The following DENND4B variants were observed in gnomAD, a reference collection of about 807,000 sequenced individuals.
DENND4B encodes the protein DENN domain containing 4B.
A neutral mutation model predicts 161.0 loss-of-function variants in DENND4B; 67 were observed. The observed-to-expected ratio is 0.42, with a 90% CI of 0.34 to 0.51. The LOEUF (loss-of-function observed/expected upper bound fraction) is 0.51, where lower values mean the gene tolerates loss of function less well. Ranked by LOEUF, DENND4B falls within the 20% of genes least tolerant of loss-of-function variation. The pLI, the probability that DENND4B is intolerant of heterozygous loss-of-function variation, is 0.08. For synonymous variants in DENND4B, 753 were observed against 813.8 expected (o/e 0.93, Z 1.27); for missense variants, 1,481 against 1,968.0 (o/e 0.75, Z 4.68).
chr1:153,944,287 A>C lies in DENND4B; in HGVS notation c.88T>G (p.Trp30Gly). The change falls in exon 2 of 28, where the codon TGG becomes GGG. Residue 30 changes from tryptophan (W) to glycine (G), a missense_variant. This residue lies in a region of DENND4B where 806 missense variants were observed against 1,134.4 expected (regional missense o/e 0.71). Coordinates refer to ENST00000361217, the MANE Select transcript of DENND4B (RefSeq NM_014856.3). This position sits in a 1 kb window ranked among gnomAD's most constrained non-coding sequence, Gnocchi z 4.8. ...AGGGGCCCACTGGGTTCAGGAACCC[A>C]CGTTTCCTCAGGGATGGGTGCTCCG... ...GNGAPIPEET[W>G]VPEPSGPLRP... 1.9e-6 allele frequency: 3 copies of C among 1,604,076 alleles called. No individual in the cohort carries two copies. Among genetic ancestry groups the C allele is most frequent in the Non-Finnish European group, 2.6e-6 (3 of 1,174,360 alleles).
Position 153,942,217 on chromosome 1 carries a change from G to C in DENND4B, c.780C>G (p.Thr260=), listed in dbSNP as rs538600672. The C allele has an allele frequency of 1.2e-6, 2 of 1,613,980 alleles. No homozygotes were observed. Among genetic ancestry groups the C allele is most frequent in the East Asian group, 4.5e-5 (2 of 44,874 alleles). ...QTKYPVPVFS[T]FVLTGAAGDK... is the part of the protein sequence containing the mutation. ...CACCAGCTGCACCCGTGAGCACAAA[G>C]GTGGAGAAGACGGGCACGGGGTACT... The change falls in exon 5 of 28, where the codon ACC becomes ACG. Residue 260 remains threonine (T), a synonymous_variant. Transcript: ENST00000361217. The surrounding 1 kb of genome is among the most constrained non-coding windows in gnomAD (Gnocchi z 6.9).
Position 153,944,351 on chromosome 1 carries a change from C to A in DENND4B, c.24G>T (p.Arg8=), listed in dbSNP as rs748727321. The A allele has an allele frequency of 2.1e-5, 34 of 1,607,514 alleles. No homozygotes were observed. The African/African-American group carries it at 2.9e-4, about 14-fold the overall frequency. ...CAGCTACCACGAAGTAATCCACCAGCCGGGGGGGCCGCTCCTCCGCCATGG... is the reference window on the plus strand; with the variant it reads ...CAGCTACCACGAAGTAATCCACCAGACGGGGGGGCCGCTCCTCCGCCATGG... MAEERPP[R]LVDYFVVAGL... The change falls in exon 2 of 28, where the codon CGG becomes CGT. Residue 8 remains arginine, a synonymous_variant. Transcript: ENST00000361217. This position sits in a 1 kb window ranked among gnomAD's most constrained non-coding sequence, Gnocchi z 4.8.
At position 153,946,535 on chromosome 1, in the gene DENND4B, G is replaced by C; in HGVS notation, c.-258C>G. ...TCCCCGCCGCGCTGCGCCACGCGGG[G>C]ACTGTGCTGCCGCGCTGCTCGCTCG... On this transcript the variant is annotated 5_prime_UTR_variant, in exon 1 of 28. Coordinates refer to ENST00000361217, the MANE Select transcript of DENND4B (RefSeq NM_014856.3). This position sits in a 1 kb window ranked among gnomAD's most constrained non-coding sequence, Gnocchi z 6.3. 5.1e-6 allele frequency: 2 copies of C among 390,198 alleles called. No homozygotes were observed. The highest frequency in any genetic ancestry group is 9.1e-6 in the Non-Finnish European group (2 of 220,486). The allele number at this position is 390,198 out of a possible 1,614,324, so 24.2% of individuals were successfully genotyped here.
In DENND4B at chr1:153,945,155, C is replaced by CG. The variant is rs1557860500; in HGVS notation, c.-23-759dup. 2.3e-6 allele frequency: 3 copies of CG among 1,289,508 alleles called. No homozygotes were observed. In the South Asian group the frequency reaches 3.7e-5, roughly 16 times the overall value. The allele number at this position is 1,289,508 out of a possible 1,614,324, so 79.9% of individuals were successfully genotyped here. On this transcript the variant is annotated intron_variant, in intron 1 of 27. Transcript: ENST00000361217. The stretch of plus-strand genomic sequence containing the variant: ...CTCACCTGCCTCCATGGCCCAACCC[C>CG]GGGGAGTAGGAGCCCCAAGGGTCCT...
At chr1:153,931,949 A>G (rs1288458204) in intron 24 of DENND4B, among the ~76,000 whole-genome samples, 3 of 151,956 alleles carry the variant, frequency 2.0e-5, no homozygotes, top group African/African-American at 4.8e-5. Context: ...GATTACAGGC[A>G]TGCACCACCA....
intron 6 of DENND4B, 112 bp downstream of exon 6, chr1:153,941,757 T>TC: frequency 6.6e-7 from 1 of 1,509,454 alleles, no homozygotes; most frequent in South Asian, 1.3e-5. Context: ...TGCAGCCCTG[T>TC]CCCTTACCCT....
Position 153,932,127 on chromosome 1 carries a change from T to C in DENND4B, c.3996+77A>G. ...TGGCCAGTCTATGCTCTTTCTACAG[T>C]GCCAAGGACACAGTGGACAAATGGC... is the stretch of plus-strand genomic sequence containing the variant. On this transcript the variant is annotated intron_variant, in intron 24 of 27. Coordinates refer to ENST00000361217, the MANE Select transcript of DENND4B (RefSeq NM_014856.3). This position sits in a 1 kb window ranked among gnomAD's most constrained non-coding sequence, Gnocchi z 5.8. 7.3e-7 allele frequency: 1 copy of C among 1,364,340 alleles called. No homozygotes were observed. The highest frequency in any genetic ancestry group is 1.0e-6 in the Non-Finnish European group (1 of 984,554). The allele number at this position is 1,364,340 out of a possible 1,614,324, so 84.5% of individuals were successfully genotyped here.
Position 153,932,684 on chromosome 1 carries a change from G to GC in DENND4B, c.3716dup (p.Cys1239TrpfsTer6). ...AGAGCTGGGGCTCATCCAGAGCAAG[G>GC]CAGAGCCTTCGGTCACTGAGCACAG... On this transcript the variant is annotated frameshift_variant, in exon 23 of 28. Transcript: ENST00000361217. LOFTEE classifies it high-confidence loss of function. The surrounding 1 kb of genome is among the most constrained non-coding windows in gnomAD (Gnocchi z 5.8). The GC allele has an allele frequency of 6.2e-7, 1 of 1,614,052 alleles. No individual in the cohort carries two copies. Among genetic ancestry groups the GC allele is most frequent in the Non-Finnish European group, 8.5e-7 (1 of 1,179,896 alleles).
intron 1 of DENND4B, among the ~76,000 whole-genome samples, chr1:153,945,589 CACACACGT>C (rs1679917099): frequency 6.6e-6 from 1 of 152,102 alleles, no homozygotes; most frequent in Non-Finnish European, 1.5e-5. Context: ...CACACACACG[CACACACGT>C]ACACACACCA....
At position 153,932,579 on chromosome 1, in the gene DENND4B, ACCCCACAGG is replaced by A. The variant is rs1302702058; in HGVS notation, c.3759+54_3759+62del. Reference sequence around the variant, plus strand: ...AGAGATGTGCCCATCTCTCCCTGGCACCCCACAGGCCCCACACAGGGCAACATTCCCGTT... The same window carrying A: ...AGAGATGTGCCCATCTCTCCCTGGCACCCCACACAGGGCAACATTCCCGTT... On this transcript the variant is annotated intron_variant, in intron 23 of 27. Transcript: ENST00000361217. The surrounding 1 kb of genome is among the most constrained non-coding windows in gnomAD (Gnocchi z 5.8). 2.5e-6 allele frequency: 4 copies of A among 1,576,144 alleles called. No homozygotes were observed. The highest frequency in any genetic ancestry group is 3.5e-6 in the Non-Finnish European group (4 of 1,158,832).
rs748369422 is a variant in DENND4B, at chr1:153,942,667, C to T, written c.571-42G>A. 16 of 1,540,024 alleles carry T rather than the reference C, an allele frequency of 1.0e-5. No individual in the cohort carries two copies. Among genetic ancestry groups the T allele is most frequent in the Non-Finnish European group, 1.3e-5 (15 of 1,145,514 alleles). ...AAGAGACAAGCAGATACATAGCTAA[C>T]AAAGGTTTCTGGGGTCCACTTTCTC... is the stretch of plus-strand genomic sequence containing the variant. On this transcript the variant is annotated intron_variant, in intron 3 of 27. Coordinates refer to ENST00000361217, the MANE Select transcript of DENND4B (RefSeq NM_014856.3). The surrounding 1 kb of genome is among the most constrained non-coding windows in gnomAD (Gnocchi z 6.9).
At position 153,939,807 on chromosome 1, in the gene DENND4B, G is replaced by A. The variant is rs1261979205; in HGVS notation, c.1604-3C>T. ...TTCCTCCTCAGGTCCAGTGTATGCT[G>A]GAGGCCAGGGCAGCCTAAGAGTCAG... On this transcript the variant is annotated splice_region_variant and splice_polypyrimidine_tract_variant and intron_variant, in intron 11 of 27. Transcript: ENST00000361217. 4 of 1,613,404 alleles carry A rather than the reference G, an allele frequency of 2.5e-6. No homozygotes were observed. Among genetic ancestry groups the A allele is most frequent in the Non-Finnish European group, 3.4e-6 (4 of 1,179,668 alleles).
intron 1 of DENND4B, chr1:153,945,057 A>C: frequency 7.9e-7 from 1 of 1,269,354 alleles, no homozygotes; most frequent in Non-Finnish European, 1.0e-6. Context: ...CAGTTGTGAG[A>C]GACAAGTCCC....
rs760498000 is a variant in DENND4B at position 153,930,921 on chromosome 1, C to T, written c.4114+26G>A. 2 of 1,600,090 alleles carry T rather than the reference C, an allele frequency of 1.2e-6. No individual in the cohort carries two copies. Among genetic ancestry groups the T allele is most frequent in the East Asian group, 2.3e-5 (1 of 44,316 alleles). Reference sequence around the variant, plus strand: ...CCTCTGGGTATGGGACCCACCCTCCCCACCCAGGCCAAATACCAGACTCAC... The same window carrying T: ...CCTCTGGGTATGGGACCCACCCTCCTCACCCAGGCCAAATACCAGACTCAC... On this transcript the variant is annotated intron_variant, in intron 25 of 27. Coordinates refer to ENST00000361217, the MANE Select transcript of DENND4B (RefSeq NM_014856.3). This position sits in a 1 kb window ranked among gnomAD's most constrained non-coding sequence, Gnocchi z 4.7.
intron 13 of DENND4B, among the ~76,000 whole-genome samples, 192 bp downstream of exon 13, chr1:153,938,708 A>T (rs1166022147): frequency 6.6e-6 from 1 of 151,660 alleles, no homozygotes; most frequent in East Asian, 1.9e-4. Context: ...TTTCAAAAAA[A>T]AAAAATGAAA....
In DENND4B at chr1:153,933,875, C is replaced by G; in HGVS notation, c.2942-4G>C. The G allele has an allele frequency of 6.2e-7, 1 of 1,605,824 alleles. No individual in the cohort carries two copies. Among genetic ancestry groups the G allele is most frequent in the South Asian group, 1.1e-5 (1 of 90,048 alleles). ...AGGACCCCCAAGGCCTCTATCACTG[C>G]AGCACAGAAAAGAATGAGGGAAGAT... is the stretch of plus-strand genomic sequence containing the variant. On this transcript the variant is annotated splice_region_variant and splice_polypyrimidine_tract_variant and intron_variant, in intron 19 of 27. Transcript: ENST00000361217. This position sits in a 1 kb window ranked among gnomAD's most constrained non-coding sequence, Gnocchi z 5.7.
intron 17 of DENND4B, 79 bp downstream of exon 17, chr1:153,935,981 G>A: frequency 6.4e-7 from 1 of 1,552,470 alleles, no homozygotes; most frequent in Non-Finnish European, 8.7e-7. Context: ...AATCTCCAAG[G>A]AGCGAGGGGA....
rs2101994277 is a variant in DENND4B, at chr1:153,930,712, G to A, written c.4260C>T (p.Pro1420=). 2 of 1,612,152 alleles carry A rather than the reference G, an allele frequency of 1.2e-6. No individual in the cohort carries two copies. The highest frequency in any genetic ancestry group is 2.7e-5 in the African/African-American group (2 of 75,040). The change falls in exon 26 of 28, where the codon CCC becomes CCT. Residue 1420 remains proline, a synonymous_variant. Transcript: ENST00000361217. This position sits in a 1 kb window ranked among gnomAD's most constrained non-coding sequence, Gnocchi z 4.7. Reference sequence around the variant, plus strand: ...CATACCTCTGCAGGTGCAGGCCAGTGGGTGGGGGCCCTAGAGTTTCCAGCA... The same window carrying A: ...CATACCTCTGCAGGTGCAGGCCAGTAGGTGGGGGCCCTAGAGTTTCCAGCA... ...GLLLETLGPP[P]TGLHLQRGIY...
rs200733131 is a variant in DENND4B, at chr1:153,942,161, C to A, written c.810+26G>T. The stretch of plus-strand genomic sequence containing the variant: ...TCAGGCAGGCCCTGCATAGCCTGGA[C>A]CCCTTGCCACACTCCACACACCCAC... On this transcript the variant is annotated intron_variant, in intron 5 of 27. Coordinates refer to ENST00000361217, the MANE Select transcript of DENND4B (RefSeq NM_014856.3). This position sits in a 1 kb window ranked among gnomAD's most constrained non-coding sequence, Gnocchi z 6.9. 6.2e-6 allele frequency: 10 copies of A among 1,613,988 alleles called. No homozygotes were observed. The African/African-American group carries it at 1.2e-4, about 19-fold the overall frequency.
Sources: allele counts gnomAD v4.1 joint callset (sites outside exome capture counted in the v4.1 genomes callset), GRCh38; gene constraint gnomAD v4.1.1; regional missense constraint gnomAD v4.1.1; non-coding constraint Gnocchi (gnomAD v3.1); transcripts MANE v1.5; gene names NCBI Gene and HGNC (gene_info 2026-07-23, HGNC 2026-07-21).